Variants in ZNF385B observed in about 807,000 individuals in gnomAD.
The protein encoded by ZNF385B is zinc finger protein 385B.
ZNF385B carries 23 observed loss-of-function variants against 39.2 expected under a neutral mutation model. The ratio of observed to expected loss-of-function variants is 0.59; its 90% CI spans 0.42 to 0.83. The LOEUF (loss-of-function observed/expected upper bound fraction) is 0.83. Ranked by LOEUF, ZNF385B falls within the 40% of genes least tolerant of loss-of-function variation. ZNF385B has a pLI of 0.00. For missense variants in ZNF385B, 552 were observed against 598.9 expected (o/e 0.92, Z 0.82); for synonymous variants, 205 against 222.6 (o/e 0.92, Z 0.70).
intron 1 of ZNF385B, among the ~76,000 whole-genome samples, chr2:179,786,928 G>A (rs1705041524): frequency 6.6e-6 from 1 of 151,972 alleles, no homozygotes; most frequent in South Asian, 2.1e-4. Flanking sequence ...TCACAATACT[G>A]AGAAAGCTGG....
intron 3 of ZNF385B, among the ~76,000 whole-genome samples, chr2:179,633,464 T>G (rs1669419659): frequency 6.6e-6 from 1 of 152,166 alleles, no homozygotes; most frequent in Non-Finnish European, 1.5e-5. Flanking sequence ...CCTGATTATC[T>G]CAATAGATAC....
rs528204197 is a variant in ZNF385B at position 179,573,034 on chromosome 2, T to G, written c.299-28065A>C. Among the ~76,000 whole-genome samples the G allele has an allele frequency of 7.2e-5, 11 of 152,352 alleles. No homozygotes were observed. The South Asian group carries it at 2.1e-3, about 29-fold the overall frequency. ...GAATTTTCCCAATTATATTTGATTTTCAGATATTTCAAATCTTATAGCAAG... is the reference window on the plus strand; with the variant it reads ...GAATTTTCCCAATTATATTTGATTTGCAGATATTTCAAATCTTATAGCAAG... On this transcript the variant is annotated intron_variant, in intron 3 of 9. Transcript: ENST00000410066.
At chr2:179,597,823 A>G (rs1019284650) in intron 3 of ZNF385B, among the ~76,000 whole-genome samples, 1 of 152,206 alleles carries the variant, frequency 6.6e-6, no homozygotes, top group Admixed American at 6.5e-5. Flanking sequence ...CTTGGTTTGA[A>G]GTTCAAATTC....
At chr2:179,695,810 T>C (rs930721263) in intron 3 of ZNF385B, among the ~76,000 whole-genome samples, 17 of 152,200 alleles carry the variant, frequency 1.1e-4, no homozygotes, top group Admixed American at 5.9e-4. Context: ...AGCGGCATTG[T>C]TCATAACAGC....
intron 3 of ZNF385B, among the ~76,000 whole-genome samples, chr2:179,589,299 G>C (rs1687358389): frequency 6.6e-6 from 1 of 152,160 alleles, no homozygotes; most frequent in Non-Finnish European, 1.5e-5. Context: ...GGTCTAACTG[G>C]CTCAGTTTCT....
intron 3 of ZNF385B, among the ~76,000 whole-genome samples, chr2:179,756,222 T>G (rs1389112872): frequency 6.6e-6 from 1 of 152,142 alleles, no homozygotes. Context: ...AGGATTTTAT[T>G]TCTCCTTCAC....
intron 3 of ZNF385B, among the ~76,000 whole-genome samples, chr2:179,591,278 A>C (rs1449053493): frequency 1.3e-5 from 2 of 152,002 alleles, no homozygotes; most frequent in Non-Finnish European, 2.9e-5. Context: ...GTGGTTTCAA[A>C]ACTTTTTTTT....
intron 3 of ZNF385B, among the ~76,000 whole-genome samples, chr2:179,696,326 C>CTTTTTATTTTTTT: frequency 2.5e-5 from 1 of 40,354 alleles, no homozygotes; most frequent in Non-Finnish European, 4.1e-5. Flanking sequence ...CAAACTGGGA[C>CTTTTTATTTTTTT]TTTTTTTTTT....
At chr2:179,629,774 C>T (rs1248107085) in intron 3 of ZNF385B, among the ~76,000 whole-genome samples, 3 of 152,228 alleles carry the variant, frequency 2.0e-5, no homozygotes, top group African/African-American at 4.8e-5. Flanking sequence ...CAAGGGAAGC[C>T]GTCACAGACT....
At chr2:179,764,428 A>G (rs1328135368) in intron 3 of ZNF385B, among the ~76,000 whole-genome samples, 2 of 151,670 alleles carry the variant, frequency 1.3e-5, no homozygotes, top group East Asian at 1.9e-4. Context: ...TATTTAGGCT[A>G]TTTACACTTA....
intron 5 of ZNF385B, among the ~76,000 whole-genome samples, chr2:179,490,976 T>C (rs1245582258): frequency 6.6e-6 from 1 of 152,232 alleles, no homozygotes; most frequent in African/African-American, 2.4e-5. Flanking sequence ...AATCATCTTC[T>C]TTTATAAATA....
chr2:179,707,493 C>T (rs1255017971), intron 3 of ZNF385B, among the ~76,000 whole-genome samples: 1 of 152,284 alleles, frequency 6.6e-6, no homozygotes, highest in African/African-American at 2.4e-5. Flanking sequence ...TGCAGGACAT[C>T]CCCCAAGAAT....
chr2:179,634,268 C>A, intron 3 of ZNF385B, among the ~76,000 whole-genome samples: 1 of 152,228 alleles, frequency 6.6e-6, no homozygotes, highest in South Asian at 2.1e-4. Context: ...GATCAGGCAA[C>A]CTACAGAATG....
intron 3 of ZNF385B, among the ~76,000 whole-genome samples, chr2:179,749,380 C>G (rs1218058809): frequency 6.6e-6 from 1 of 152,056 alleles, no homozygotes; most frequent in African/African-American, 2.4e-5. Flanking sequence ...TCCACCTCCT[C>G]CAAACTCCAT....
At chr2:179,510,837 T>G (rs2057626694) in intron 5 of ZNF385B, among the ~76,000 whole-genome samples, 1 of 152,092 alleles carries the variant, frequency 6.6e-6, no homozygotes, top group Admixed American at 6.6e-5. Flanking sequence ...TGTGATAGTT[T>G]AGAAGAAAAC....
intron 3 of ZNF385B, among the ~76,000 whole-genome samples, chr2:179,693,622 C>T (rs890914768): frequency 7.9e-5 from 12 of 152,098 alleles, no homozygotes; most frequent in African/African-American, 2.2e-4. Context: ...GTTTTTTTGA[C>T]ATTGGTGTCC....
At chr2:179,711,292 C>G (rs537660183) in intron 3 of ZNF385B, among the ~76,000 whole-genome samples, 5 of 152,116 alleles carry the variant, frequency 3.3e-5, no homozygotes, top group South Asian at 4.1e-4. Flanking sequence ...TAATCAATTC[C>G]CCAACACTTG....
chr2:179,769,283 A>ATGT (rs1575456950), intron 3 of ZNF385B, among the ~76,000 whole-genome samples: 2 of 152,298 alleles, frequency 1.3e-5, no homozygotes, highest in Non-Finnish European at 2.9e-5. Flanking sequence ...AATTGTGCAT[A>ATGT]TGTGTGTATG....
At chr2:179,525,802 T>C (rs1574612181) in intron 4 of ZNF385B, among the ~76,000 whole-genome samples, 1 of 152,232 alleles carries the variant, frequency 6.6e-6, no homozygotes, top group Admixed American at 6.5e-5. Flanking sequence ...GTTTAAGTGA[T>C]AGCTGTGTCG....
Sources: gnomAD v4.1 joint callset for allele counts (sites outside exome capture counted in the v4.1 genomes callset) on GRCh38, gnomAD v4.1.1 for gene constraint, MANE v1.5 for transcripts, NCBI Gene and HGNC (gene_info 2026-07-23, HGNC 2026-07-21) for gene names.